KMT2A: variants seen among roughly 807,000 people sequenced by gnomAD.
KMT2A encodes the protein histone-lysine N-methyltransferase 2A.
KMT2A carries 16 observed loss-of-function variants against 345.3 expected under a neutral mutation model. The observed-to-expected ratio is 0.05, with a 90% CI of 0.03 to 0.07. KMT2A has a LOEUF of 0.07. Ranked by LOEUF, KMT2A falls within the 10% of genes least tolerant of loss-of-function variation. The pLI is 1.00. For missense variants in KMT2A, 3,272 were observed against 4,841.6 expected (o/e 0.68, Z 9.62); for synonymous variants, 1,599 against 1,778.6 (o/e 0.90, Z 2.54).
chr11:118,452,633 T>A (rs3132894), intron 1 of KMT2A, among the ~76,000 whole-genome samples: 12 of 148,240 alleles, frequency 8.1e-5, no homozygotes, highest in African/African-American at 3.0e-4. Flanking sequence ...TTTTTTTTTT[T>A]CTTTCTTGTT....
At chr11:118,479,748 C>G (rs1484842481) in intron 5 of KMT2A, among the ~76,000 whole-genome samples, 4 of 152,074 alleles carry the variant, frequency 2.6e-5, no homozygotes, top group Admixed American at 2.6e-4. Context: ...TATATCAAAG[C>G]CACCAGATTT....
chr11:118,498,585 T>C lies in KMT2A; in HGVS notation c.5961+57T>C. On this transcript the variant is annotated intron_variant, in intron 22 of 35. Transcript: ENST00000534358. This position sits in a 1 kb window ranked among gnomAD's most constrained non-coding sequence, Gnocchi z 4.4. ...AAAAAAGACTTTTTTAGAGCAGTTT[T>C]AGGTTCACAGCAAAATTGACTGGAA... The C allele has an allele frequency of 1.3e-6, 2 of 1,522,264 alleles. No individual in the cohort carries two copies. Among genetic ancestry groups the C allele is most frequent in the Non-Finnish European group, 1.8e-6 (2 of 1,138,772 alleles). The allele number at this position is 1,522,264 out of a possible 1,614,324, so 94.3% of individuals were successfully genotyped here. A position where few individuals can be genotyped will look rare whatever the true frequency, so the allele number is the denominator to read the frequency against.
At chr11:118,466,955 AG>A (rs1949855766) in intron 1 of KMT2A, among the ~76,000 whole-genome samples, 2 of 152,198 alleles carry the variant, frequency 1.3e-5, no homozygotes, top group African/African-American at 4.8e-5. Flanking sequence ...GCTATGCAGG[AG>A]GCTGAGGCAG....
chr11:118,471,120 T>G (rs1949935180), intron 2 of KMT2A, among the ~76,000 whole-genome samples: 1 of 152,218 alleles, frequency 6.6e-6, no homozygotes, highest in South Asian at 2.1e-4. Context: ...AGTAAAACTT[T>G]CTTAGTCTAC....
At chr11:118,461,318 T>C (rs1949738977) in intron 1 of KMT2A, among the ~76,000 whole-genome samples, 1 of 152,084 alleles carries the variant, frequency 6.6e-6, no homozygotes. Flanking sequence ...TACCCCAGAG[T>C]GGAGATGCAG....
In KMT2A at chr11:118,474,308, A is replaced by G; in HGVS notation, c.3149A>G (p.Lys1050Arg). 2 of 1,613,224 alleles carry G rather than the reference A, an allele frequency of 1.2e-6. No individual in the cohort carries two copies. Among genetic ancestry groups the G allele is most frequent in the African/African-American group, 1.3e-5 (1 of 74,996 alleles). Residue 1050 changes from lysine (K) to arginine (R), a missense_variant, in exon 3 of 36, where the codon AAA becomes AGA. Physicochemically the swap from Lys to Arg is conservative, Grantham distance 26 (BLOSUM62 2). Around this residue, in one of 27 missense-constraint regions of KMT2A, gnomAD observed 29 missense variants for 27.1 expected, o/e 1.07. Coordinates refer to ENST00000534358, the MANE Select transcript of KMT2A (RefSeq NM_001197104.2). ...AGTCTTAAACAAACCGACCAGCCCAAAGCACAGGTACTCTTTTCCACCTTG... is the reference window on the plus strand; with the variant it reads ...AGTCTTAAACAAACCGACCAGCCCAGAGCACAGGTACTCTTTTCCACCTTG... ...SKSLKQTDQPKAQGQESDSSE... is the reference protein window; with the variant it reads ...SKSLKQTDQPRAQGQESDSSE...
chr11:118,436,798 T>A lies in KMT2A; in HGVS notation c.286T>A (p.Ser96Thr). ...GTCCGCCTCGTCTTCGTCTTCGTCA[T>A]CGTCCTCAGCCTCTTCAGGGCCGGC... ...SSSASSSSSS[S>T]SSASSGPALL... The change falls in exon 1 of 36, where the codon TCG becomes ACG. Residue 96 changes from serine to threonine, a missense_variant. By Grantham distance (58) the Ser-to-Thr change is moderately conservative. Coordinates refer to ENST00000534358, the MANE Select transcript of KMT2A (RefSeq NM_001197104.2). The surrounding 1 kb of genome is among the most constrained non-coding windows in gnomAD (Gnocchi z 6.9). 1 of 1,607,134 alleles carries A rather than the reference T, an allele frequency of 6.2e-7. No individual in the cohort carries two copies. The highest frequency in any genetic ancestry group is 8.5e-7 in the Non-Finnish European group (1 of 1,177,150).
At position 118,508,274 on chromosome 11, in the gene KMT2A, T is replaced by C. The variant is rs528626983; in HGVS notation, c.10835+665T>C. On this transcript the variant is annotated intron_variant, in intron 28 of 35. Coordinates refer to ENST00000534358, the MANE Select transcript of KMT2A (RefSeq NM_001197104.2). ...AAAAGGAATAATACTGTACATACTG[T>C]TCTGTATTTGGTTTTTCACTTATGT... Among the ~76,000 whole-genome samples the C allele has an allele frequency of 8.5e-5, 13 of 152,288 alleles. No individual in the cohort carries two copies. The South Asian group carries it at 2.1e-3, about 24-fold the overall frequency.
At chr11:118,454,670 G>A (rs1247820611) in intron 1 of KMT2A, among the ~76,000 whole-genome samples, 2 of 152,124 alleles carry the variant, frequency 1.3e-5, no homozygotes, top group Non-Finnish European at 2.9e-5. Context: ...TTACAAGCTC[G>A]TCGTAAAGTC....
Position 118,525,610 on chromosome 11 carries a change from T to TAA in KMT2A, c.*3447_*3448dup. 2.2e-5 allele frequency: 4 copies of TAA among 178,684 alleles called. No individual in the cohort carries two copies. The highest frequency in any genetic ancestry group is 2.2e-5 in the Non-Finnish European group (2 of 91,916). The allele number at this position is 178,684 out of a possible 1,614,324, so 11.1% of individuals were successfully genotyped here. ...CCCTTGATTTAAAAAAAATAAAAAA[T>TAA]AAAAAAAAAAGGAAAAAAAAATACA... On this transcript the variant is annotated 3_prime_UTR_variant, in exon 36 of 36. Coordinates refer to ENST00000534358, the MANE Select transcript of KMT2A (RefSeq NM_001197104.2).
chr11:118,508,688 T>TC (rs1230349450), intron 28 of KMT2A, among the ~76,000 whole-genome samples: 2 of 145,518 alleles, frequency 1.4e-5, no homozygotes, highest in Non-Finnish European at 3.0e-5. Flanking sequence ...GCCACTGCAC[T>TC]CCAGCCTGGA....
chr11:118,484,940 G>A lies in KMT2A; in HGVS notation c.4297G>A (p.Val1433Ile), dbSNP rs782486872. The change falls in exon 10 of 36, where the codon GTT (valine) becomes ATT (isoleucine). Residue 1433 changes from valine (V) to isoleucine (I), a missense_variant. Transcript: ENST00000534358. The surrounding 1 kb of genome is among the most constrained non-coding windows in gnomAD (Gnocchi z 4.1). The stretch of plus-strand genomic sequence containing the variant: ...TTCTGTTCCTATAACACCCAGGGTG[G>A]TTTGCTTTCTCTGTGCCAGTAGTGG... ...LTSVPITPRVVCFLCASSGHV... is the reference protein window; with the variant it reads ...LTSVPITPRVICFLCASSGHV... 7 of 1,613,572 alleles carry A rather than the reference G, an allele frequency of 4.3e-6. No homozygotes were observed. The Admixed American group carries it at 6.7e-5, about 15-fold the overall frequency.
rs529886909 is a variant in KMT2A, at chr11:118,454,413, C to G, written c.433-14362C>G. On this transcript the variant is annotated intron_variant, in intron 1 of 35. Coordinates refer to ENST00000534358, the MANE Select transcript of KMT2A (RefSeq NM_001197104.2). ...CTGTCTTGGGGCCTTTGCACTTGCT[C>G]TCAGGCTAGAACACTACTCCACCAA... is the stretch of plus-strand genomic sequence containing the variant. Among the ~76,000 whole-genome samples the G allele has an allele frequency of 2.6e-5, 4 of 152,324 alleles. No individual in the cohort carries two copies. The East Asian group carries it at 7.7e-4, about 29-fold the overall frequency.
chr11:118,496,126 CTT>C lies in KMT2A; in HGVS notation c.5558-131_5558-130del. The C allele has an allele frequency of 2.7e-6, 2 of 747,916 alleles. No homozygotes were observed. Among genetic ancestry groups the C allele is most frequent in the South Asian group, 1.8e-5 (1 of 56,874 alleles). 46.3% of individuals were successfully genotyped at this position (747,916 alleles called of 1,614,324 possible). The stretch of plus-strand genomic sequence containing the variant: ...TGATGAGGTAGCGTAACTCTGAACA[CTT>C]TTTGAAAAGTGGTTATTTTATAGGC... On this transcript the variant is annotated intron_variant, in intron 19 of 35. Coordinates refer to ENST00000534358, the MANE Select transcript of KMT2A (RefSeq NM_001197104.2). The surrounding 1 kb of genome is among the most constrained non-coding windows in gnomAD (Gnocchi z 4.7).
chr11:118,483,865 C>G (rs1003040278), intron 8 of KMT2A, among the ~76,000 whole-genome samples: 3 of 151,998 alleles, frequency 2.0e-5, no homozygotes, highest in African/African-American at 7.3e-5. Flanking sequence ...CACACAGTTG[C>G]TATAAAAAAT....
At position 118,496,010 on chromosome 11, in the gene KMT2A, C is replaced by A; in HGVS notation, c.5557+117C>A. On this transcript the variant is annotated intron_variant, in intron 19 of 35. Transcript: ENST00000534358. The surrounding 1 kb of genome is among the most constrained non-coding windows in gnomAD (Gnocchi z 4.7). The stretch of plus-strand genomic sequence containing the variant: ...GGATATCAGAAAGGAATTTTCAGGT[C>A]ATCCTTAAATGTAATACCATCATTA... 1.0e-6 allele frequency: 1 copy of A among 969,678 alleles called. No homozygotes were observed. Among genetic ancestry groups the A allele is most frequent in the Non-Finnish European group, 1.6e-6 (1 of 639,502 alleles). 60.1% of individuals were successfully genotyped at this position (969,678 alleles called of 1,614,324 possible). A position where few individuals can be genotyped will look rare whatever the true frequency, so the allele number is the denominator to read the frequency against.
chr11:118,520,660 A>AT lies in KMT2A; in HGVS notation c.11430-142_11430-141insT, dbSNP rs1555053232. 6.6e-6 allele frequency: 4 copies of AT among 604,378 alleles called. No homozygotes were observed. The highest frequency in any genetic ancestry group is 1.2e-5 in the Non-Finnish European group (4 of 334,618). 37.4% of individuals were successfully genotyped at this position (604,378 alleles called of 1,614,324 possible). On this transcript the variant is annotated intron_variant, in intron 33 of 35. Coordinates refer to ENST00000534358, the MANE Select transcript of KMT2A (RefSeq NM_001197104.2). The surrounding 1 kb of genome is among the most constrained non-coding windows in gnomAD (Gnocchi z 4.3). ...AGCGAAACTCCATCTCAAAAAAAAA[A>AT]GGGGGGCGCTCATTTTATAAGGCAC... is the stretch of plus-strand genomic sequence containing the variant.
At position 118,523,789 on chromosome 11, in the gene KMT2A, G is replaced by A. The variant is rs1951020992; in HGVS notation, c.*1617G>A. On this transcript the variant is annotated 3_prime_UTR_variant, in exon 36 of 36. Transcript: ENST00000534358. ...CCCCCTGGAAGGTGTACTTTTTGTT[G>A]TTTAATGTGTAGCTTGTTTGTGCCC... is the stretch of plus-strand genomic sequence containing the variant. 4.7e-6 allele frequency: 1 copy of A among 214,772 alleles called. No individual in the cohort carries two copies. Among genetic ancestry groups the A allele is most frequent in the South Asian group, 1.9e-4 (1 of 5,360 alleles). 13.3% of individuals were successfully genotyped at this position (214,772 alleles called of 1,614,324 possible). A position where few individuals can be genotyped will look rare whatever the true frequency, so the allele number is the denominator to read the frequency against.
At chr11:118,518,327 T>C (rs1185528305) in intron 31 of KMT2A, among the ~76,000 whole-genome samples, 2 of 152,204 alleles carry the variant, frequency 1.3e-5, no homozygotes, top group Non-Finnish European at 2.9e-5. Context: ...AGCAGACTTA[T>C]ATAAATGTTG....
Sources: gnomAD v4.1 joint callset for allele counts (sites outside exome capture counted in the v4.1 genomes callset) on GRCh38, gnomAD v4.1.1 for gene constraint, gnomAD v4.1.1 regional missense constraint, Gnocchi (gnomAD v3.1) non-coding constraint, MANE v1.5 for transcripts, NCBI Gene and HGNC (gene_info 2026-07-23, HGNC 2026-07-21) for gene names.